The following ZDHHC11 variants were observed in gnomAD, a reference collection of about 807,000 sequenced individuals.
ZDHHC11 encodes zDHHC palmitoyltransferase 11.
In ZDHHC11, 44 loss-of-function variants were observed where a neutral mutation model predicts 51.3. The ratio of observed to expected loss-of-function variants is 0.86; its 90% CI spans 0.67 to 1.10. The LOEUF is 1.10. Ranked by LOEUF, ZDHHC11 falls within the 50% of genes least tolerant of loss-of-function variation. The probability of loss-of-function intolerance (pLI) is 0.00; values close to 1 mark genes in which losing one functional copy is unlikely to be tolerated. For synonymous variants in ZDHHC11, 163 were observed against 222.0 expected, an observed-to-expected ratio of 0.73 and a Z score of 2.36; for missense variants, 400 against 537.7, an observed-to-expected ratio of 0.74 and a Z score of 2.53.
In ZDHHC11 at chr5:800,917, T is replaced by TGC. The variant is rs1218508215; in HGVS notation, c.*7+181_*7+182dup. On this transcript the variant is annotated intron_variant, in intron 12 of 12. Transcript: ENST00000283441. ...TGATACTCTCACAGCTCGGCTGCCATGCACTACTTCTAAAGATGGACACAC... is the reference window on the plus strand; with the variant it reads ...TGATACTCTCACAGCTCGGCTGCCATGCGCACTACTTCTAAAGATGGACACAC... Among the ~76,000 whole-genome samples the TGC allele has an allele frequency of 4.6e-5, 7 of 151,348 alleles. 1 individual carries two copies. The highest frequency in any genetic ancestry group is 8.9e-5 in the Non-Finnish European group (6 of 67,718).
At chr5:840,729 G>C (rs185617423) in intron 4 of ZDHHC11, 79 bp from the exon 5 acceptor site, 5 of 1,597,850 alleles carry the variant, frequency 3.1e-6, no homozygotes, top group Non-Finnish European at 3.4e-6. Flanking sequence ...AGACCAGAGC[G>C]TGCTGGGGAT....
intron 11 of ZDHHC11, among the ~76,000 whole-genome samples, chr5:807,253 T>TA (rs11385305): frequency 0.85 from 124,223 of 146,356 alleles, 53,168 homozygotes; most frequent in Non-Finnish European, 0.93. Context: ...CCCTTTCTGT[T>TA]AAAAAAAAAA....
chr5:834,342 A>ATATG (rs528135168), intron 6 of ZDHHC11, among the ~76,000 whole-genome samples: 2 of 152,276 alleles, frequency 1.3e-5, no homozygotes, highest in African/African-American at 2.4e-5. Context: ...CCCATTTTTT[A>ATATG]TATGTATGTA....
intron 11 of ZDHHC11, 55 bp downstream of exon 11, chr5:814,706 A>G: frequency 1.4e-6 from 2 of 1,470,564 alleles, no homozygotes; most frequent in Non-Finnish European, 1.8e-6. Flanking sequence ...ATGTAATTTG[A>G]GTTCAGGCAA....
chr5:801,029 A>C, intron 12 of ZDHHC11, 71 bp downstream of exon 12: 3 of 1,574,166 alleles, frequency 1.9e-6, no homozygotes, highest in Non-Finnish European at 2.6e-6. Context: ...TTTTTTAAAG[A>C]AGATATTTCA....
At chr5:843,907 CA>C (rs1745583039) in intron 3 of ZDHHC11, among the ~76,000 whole-genome samples, 183 bp from the exon 4 acceptor site, 2 of 110,308 alleles carry the variant, frequency 1.8e-5, no homozygotes, top group East Asian at 3.0e-4. Context: ...GAGGCAGGGG[CA>C]GGGACACGCA....
chr5:845,310 C>G (rs1424662747), intron 3 of ZDHHC11, among the ~76,000 whole-genome samples: 58 of 152,406 alleles, frequency 3.8e-4, no homozygotes, highest in African/African-American at 1.4e-3. Flanking sequence ...GTAAAGACCC[C>G]TCATCTTCAT....
Position 850,455 on chromosome 5 carries a change from C to G in ZDHHC11, c.148G>C (p.Val50Leu), listed in dbSNP as rs754886010. 1.9e-6 allele frequency: 3 copies of G among 1,613,516 alleles called. No individual in the cohort carries two copies. The highest frequency in any genetic ancestry group is 2.7e-5 in the African/African-American group (2 of 74,930). Residue 50 changes from valine to leucine, a missense_variant, in exon 1 of 13, where the codon GTG (valine) becomes CTG (leucine). Around this residue, in one of 5 missense-constraint regions of ZDHHC11, gnomAD observed 119 missense variants for 99.6 expected, o/e 1.20. Transcript: ENST00000283441. ...CCGAAGGTGGCCGAGGAAAGGCCCA[C>G]GAAGACAGCCCAGGTCACCACCTGG... ...YFQVVTWAVF[V>L]GLSSATFGIF... is the part of the protein sequence containing the mutation.
chr5:847,396 G>C, intron 3 of ZDHHC11, 118 bp downstream of exon 3: 2 of 1,483,206 alleles, frequency 1.3e-6, no homozygotes. Flanking sequence ...TCAGGACAGG[G>C]ACGCGGCCCC....
At position 823,470 on chromosome 5, in the gene ZDHHC11, T is replaced by G. The variant is rs1206351710; in HGVS notation, c.1024-1575A>C. On this transcript the variant is annotated intron_variant, in intron 8 of 12. Transcript: ENST00000283441. ...GAGTTTCCAGTTTGTTCCATTCATC[T>G]ACTCAGAGCATCTTCTTTGGACAAC... 9 of 151,754 alleles carry G rather than the reference T, an allele frequency of 5.9e-5. 1 individual carries two copies. Among genetic ancestry groups the G allele is most frequent in the South Asian group, 2.1e-4 (1 of 4,806 alleles). The allele number at this position is 151,754 out of a possible 1,614,324, so 9.4% of individuals were successfully genotyped here.
At chr5:797,140 G>A (rs1300415377) in intron 12 of ZDHHC11, among the ~76,000 whole-genome samples, 1 of 151,280 alleles carries the variant, frequency 6.6e-6, no homozygotes, top group Non-Finnish European at 1.5e-5. Context: ...CCGGGAGGCG[G>A]AGTTTGCAGT....
chr5:853,607 ACG>A (rs1747655895), upstream of ZDHHC11, among the ~76,000 whole-genome samples: 1 of 121,220 alleles, frequency 8.2e-6, no homozygotes, highest in Non-Finnish European at 1.7e-5. Flanking sequence ...ACAGCAAGCC[ACG>A]GGGACAGACC....
At position 850,897 on chromosome 5, in the gene ZDHHC11, C is replaced by G; in HGVS notation, c.-295G>C. 1 of 447,206 alleles carries G rather than the reference C, an allele frequency of 2.2e-6. No individual in the cohort carries two copies. Among genetic ancestry groups the G allele is most frequent in the Non-Finnish European group, 3.8e-6 (1 of 266,012 alleles). The allele number at this position is 447,206 out of a possible 1,614,324, so 27.7% of individuals were successfully genotyped here. On this transcript the variant is annotated 5_prime_UTR_variant, in exon 1 of 13. Transcript: ENST00000283441. ...GGGTGTGGAGGACCCAGTGCCCGCGCGACCGCCCATCAGTTCCCCTGAGGA... is the reference window on the plus strand; with the variant it reads ...GGGTGTGGAGGACCCAGTGCCCGCGGGACCGCCCATCAGTTCCCCTGAGGA...
At chr5:814,705 G>C (rs1740537317) in intron 11 of ZDHHC11, 56 bp downstream of exon 11, 1 of 1,465,160 alleles carries the variant, frequency 6.8e-7, no homozygotes, top group Non-Finnish European at 9.2e-7. Context: ...TATGTAATTT[G>C]AGTTCAGGCA....
intron 10 of ZDHHC11, among the ~76,000 whole-genome samples, chr5:817,415 C>T (rs567945425): frequency 2.0e-5 from 3 of 151,534 alleles, no homozygotes; most frequent in African/African-American, 4.8e-5. Context: ...CAACTCCTTC[C>T]GTATGACAGC....
upstream of ZDHHC11, among the ~76,000 whole-genome samples, chr5:854,959 G>T (rs1747938535): frequency 6.8e-6 from 1 of 147,700 alleles, no homozygotes; most frequent in African/African-American, 2.5e-5. Flanking sequence ...CAGTGAGCCG[G>T]GGGGCACAGA....
upstream of ZDHHC11, among the ~76,000 whole-genome samples, chr5:855,720 A>T (rs1748128868): frequency 2.0e-5 from 3 of 148,684 alleles, no homozygotes. Flanking sequence ...GACCCCACAG[A>T]GGACAGTGAG....
At chr5:840,752 G>T in intron 4 of ZDHHC11, 102 bp from the exon 5 acceptor site, 1 of 1,576,944 alleles carries the variant, frequency 6.3e-7, no homozygotes, top group Non-Finnish European at 8.6e-7. Context: ...GGCGGTGTGG[G>T]GACAGCCAGT....
At chr5:857,963 CTGGTCCCCGTCCTATCTTTATGACACCG>C (rs1258918556) in intron 1 of ZDHHC11, among the ~76,000 whole-genome samples, 1 of 145,856 alleles carries the variant, frequency 6.9e-6, no homozygotes, top group Non-Finnish European at 1.5e-5. Context: ...AGAGTCTGTC[CTGGTCCCCGTCCTATCTTTATGACACCG>C]TGGTCCCCCG....
Sources: allele counts gnomAD v4.1 joint callset (sites outside exome capture counted in the v4.1 genomes callset), GRCh38; gene constraint gnomAD v4.1.1; regional missense constraint gnomAD v4.1.1; transcripts MANE v1.5; gene names NCBI Gene and HGNC (gene_info 2026-07-23, HGNC 2026-07-21).